SGCZ: variants seen among roughly 807,000 people sequenced by gnomAD.
SGCZ encodes the protein zeta-sarcoglycan.
A neutral mutation model predicts 41.3 loss-of-function variants in SGCZ; 40 were observed. The observed-to-expected ratio is 0.97, with a 90% CI of 0.75 to 1.26. The LOEUF (loss-of-function observed/expected upper bound fraction) is 1.26, where lower values mean the gene tolerates loss of function less well. Ranked by LOEUF, SGCZ falls within the 50% of genes most tolerant of loss-of-function variation. SGCZ has a pLI of 0.00. For synonymous variants in SGCZ, 206 were observed against 137.5 expected, an observed-to-expected ratio of 1.50 and a Z score of -3.49; for missense variants, 552 against 369.8, an observed-to-expected ratio of 1.49 and a Z score of -4.04.
chr8:14,816,328 C>G (rs1347876868), intron 1 of SGCZ, among the ~76,000 whole-genome samples: 1 of 152,178 alleles, frequency 6.6e-6, no homozygotes, highest in Non-Finnish European at 1.5e-5. Context: ...TACCAGCCCA[C>G]AGTTCCTTAA....
intron 5 of SGCZ, among the ~76,000 whole-genome samples, chr8:14,147,405 A>C (rs1417508165): frequency 6.6e-6 from 1 of 152,172 alleles, no homozygotes; most frequent in Non-Finnish European, 1.5e-5. Flanking sequence ...AAAAAAGTGC[A>C]GGAGTTGCTA....
chr8:14,394,534 A>G (rs1804911103), intron 2 of SGCZ, among the ~76,000 whole-genome samples: 1 of 152,148 alleles, frequency 6.6e-6, no homozygotes, highest in Non-Finnish European at 1.5e-5. Flanking sequence ...TCTTGAGACA[A>G]AGTTTGATTC....
At chr8:14,236,565 A>C (rs1806769994) in intron 4 of SGCZ, among the ~76,000 whole-genome samples, 1 of 151,938 alleles carries the variant, frequency 6.6e-6, no homozygotes, top group South Asian at 2.1e-4. Flanking sequence ...ATACATTTGC[A>C]TTTAAAGATG....
chr8:14,573,794 A>C (rs1242328308), intron 1 of SGCZ, among the ~76,000 whole-genome samples: 1 of 152,138 alleles, frequency 6.6e-6, no homozygotes, highest in Non-Finnish European at 1.5e-5. Flanking sequence ...AATCTTAGGA[A>C]GCTTATAGGA....
chr8:14,228,734 C>T (rs192807640), intron 4 of SGCZ, among the ~76,000 whole-genome samples: 296 of 152,140 alleles, frequency 1.9e-3, no homozygotes, highest in Non-Finnish European at 3.7e-3. Context: ...GTCACTTTAT[C>T]CTATCACCCT....
chr8:15,112,284 T>G (rs958340460), intron 1 of SGCZ, among the ~76,000 whole-genome samples: 1 of 152,210 alleles, frequency 6.6e-6, no homozygotes, highest in Non-Finnish European at 1.5e-5. Context: ...CCTTCATGAT[T>G]TGTTGCTATT....
intron 1 of SGCZ, among the ~76,000 whole-genome samples, chr8:14,909,314 T>A (rs912585582): frequency 2.0e-5 from 3 of 152,158 alleles, no homozygotes; most frequent in Admixed American, 6.6e-5. Flanking sequence ...GCCAAATACA[T>A]CCCTTTTAAA....
intron 1 of SGCZ, among the ~76,000 whole-genome samples, chr8:14,847,126 AAAGAAG>A (rs61002020): frequency 0.09 from 11,406 of 126,300 alleles, 530 homozygotes; most frequent in African/African-American, 0.11. Context: ...GAAGAAGAAG[AAAGAAG>A]AAGAAGAAGA....
chr8:14,894,115 C>A (rs1053698806), intron 1 of SGCZ, among the ~76,000 whole-genome samples: 1 of 152,050 alleles, frequency 6.6e-6, no homozygotes, highest in Non-Finnish European at 1.5e-5. Flanking sequence ...TAATTAATGA[C>A]ATGCATCTGA....
At chr8:14,277,541 A>G (rs561438974) in intron 3 of SGCZ, among the ~76,000 whole-genome samples, 2 of 152,278 alleles carry the variant, frequency 1.3e-5, no homozygotes, top group Admixed American at 6.5e-5. Flanking sequence ...ATTGTAATCA[A>G]TTAATACATG....
chr8:14,508,306 A>G (rs1025704643), intron 2 of SGCZ, among the ~76,000 whole-genome samples: 2 of 152,198 alleles, frequency 1.3e-5, no homozygotes, highest in Non-Finnish European at 2.9e-5. Context: ...TGAGGACCCC[A>G]AAATACATTT....
intron 1 of SGCZ, among the ~76,000 whole-genome samples, chr8:14,746,206 G>T (rs1799337049): frequency 6.6e-6 from 1 of 151,908 alleles, no homozygotes; most frequent in Non-Finnish European, 1.5e-5. Context: ...TAAAAAAATG[G>T]GAACTGAATG....
chr8:14,126,744 T>C (rs1385783122), intron 5 of SGCZ, among the ~76,000 whole-genome samples: 1 of 152,112 alleles, frequency 6.6e-6, no homozygotes, highest in Non-Finnish European at 1.5e-5. Context: ...CAAATGCCCA[T>C]CAGTCATCAA....
intron 1 of SGCZ, among the ~76,000 whole-genome samples, chr8:14,608,151 G>A (rs760227241): frequency 6.6e-6 from 1 of 151,950 alleles, no homozygotes; most frequent in Non-Finnish European, 1.5e-5. Context: ...GGCACTAATG[G>A]ACTGCTTTTT....
chr8:14,227,236 CA>C (rs879388818), intron 4 of SGCZ, among the ~76,000 whole-genome samples: 3 of 151,812 alleles, frequency 2.0e-5, no homozygotes, highest in Admixed American at 6.6e-5. Flanking sequence ...TGAAGTATGG[CA>C]AAAAAAATGT....
intron 1 of SGCZ, among the ~76,000 whole-genome samples, chr8:14,845,366 T>C (rs539346374): frequency 3.9e-5 from 6 of 152,164 alleles, no homozygotes; most frequent in African/African-American, 1.4e-4. Flanking sequence ...CTCAGTTGTA[T>C]ACCAAACAAA....
intron 2 of SGCZ, among the ~76,000 whole-genome samples, chr8:14,367,226 G>C (rs1039612561): frequency 2.0e-5 from 3 of 152,014 alleles, no homozygotes; most frequent in Non-Finnish European, 4.4e-5. Context: ...TTTCCAAGAA[G>C]TTTCTCATCA....
intron 4 of SGCZ, among the ~76,000 whole-genome samples, chr8:14,215,165 T>C: frequency 6.6e-6 from 1 of 152,184 alleles, no homozygotes; most frequent in South Asian, 2.1e-4. Context: ...ACAAAATATG[T>C]TTCTTGACTA....
In SGCZ at chr8:15,216,316, T is replaced by A. The variant is rs188856542; in HGVS notation, c.39+21269A>T. 3.3e-3 allele frequency among the ~76,000 whole-genome samples: 486 copies of A among 145,384 alleles called. 4 individuals carry two copies. The highest frequency in any genetic ancestry group is 2.1e-3 in the East Asian group (10 of 4,824). On this transcript the variant is annotated intron_variant, in intron 1 of 7. Coordinates refer to ENST00000382080, the MANE Select transcript of SGCZ (RefSeq NM_139167.4). ...CTCAAGGCAAGCTCCGCCTCCTGGGTTCACGCCATTCTTCTGCCTCAGCCT... is the reference window on the plus strand; with the variant it reads ...CTCAAGGCAAGCTCCGCCTCCTGGGATCACGCCATTCTTCTGCCTCAGCCT...
Sources: gnomAD v4.1 joint callset for allele counts (sites outside exome capture counted in the v4.1 genomes callset) on GRCh38, gnomAD v4.1.1 for gene constraint, MANE v1.5 for transcripts, NCBI Gene and HGNC (gene_info 2026-07-23, HGNC 2026-07-21) for gene names.